The following SYNPR variants were observed in gnomAD, a reference collection of about 807,000 sequenced individuals.
SYNPR encodes the protein synaptoporin.
SYNPR carries 23 observed loss-of-function variants against 32.9 expected under a neutral mutation model. That is an observed-to-expected ratio of 0.70 (90% confidence interval 0.50 to 0.99). The LOEUF (loss-of-function observed/expected upper bound fraction) is 0.99. SYNPR is among the 50% of genes least tolerant of loss of function. The pLI is 0.00. For synonymous variants in SYNPR, 146 were observed against 135.9 expected (o/e 1.07, Z -0.52); for missense variants, 318 against 349.3 (o/e 0.91, Z 0.71).
intron 3 of SYNPR, among the ~76,000 whole-genome samples, chr3:63,553,156 G>T (rs1262491136): frequency 1.3e-5 from 2 of 152,030 alleles, no homozygotes; most frequent in Non-Finnish European, 2.9e-5. Context: ...TGTGCTTCAT[G>T]TTTAGCTCCC....
At chr3:63,576,824 A>G (rs546695777) in intron 4 of SYNPR, among the ~76,000 whole-genome samples, 1 of 152,066 alleles carries the variant, frequency 6.6e-6, no homozygotes, top group African/African-American at 2.4e-5. Flanking sequence ...AAAAAGAAAA[A>G]GAAAAAAGAA....
chr3:63,392,420 T>C (rs1447305772), intron 2 of SYNPR, among the ~76,000 whole-genome samples: 1 of 152,228 alleles, frequency 6.6e-6, no homozygotes, highest in Admixed American at 6.5e-5. Context: ...AGGCTACTCA[T>C]AATCCTTGAC....
chr3:63,245,183 T>G (rs995338845), intron 1 of SYNPR, among the ~76,000 whole-genome samples: 2 of 152,082 alleles, frequency 1.3e-5, no homozygotes, highest in Admixed American at 1.3e-4. Context: ...AATCTCTGTT[T>G]TCATTTGGAG....
intron 2 of SYNPR, among the ~76,000 whole-genome samples, chr3:63,473,693 A>G (rs147167011): frequency 7.7e-4 from 117 of 152,290 alleles, no homozygotes; most frequent in African/African-American, 2.7e-3. Context: ...AAAAAAGAAA[A>G]GAAAGGATGA....
intron 4 of SYNPR, among the ~76,000 whole-genome samples, chr3:63,601,696 T>C (rs1024046915): frequency 2.6e-5 from 4 of 152,244 alleles, no homozygotes; most frequent in Non-Finnish European, 5.9e-5. Context: ...TTTTTATGGC[T>C]GTATAGTATT....
At chr3:63,478,791 C>A (rs1332919690) in intron 2 of SYNPR, among the ~76,000 whole-genome samples, 2 of 152,164 alleles carry the variant, frequency 1.3e-5, no homozygotes, top group Non-Finnish European at 2.9e-5. Flanking sequence ...GCTCCATTGC[C>A]ACGGCATGGG....
At chr3:63,462,796 G>T (rs1295440213) in intron 2 of SYNPR, among the ~76,000 whole-genome samples, 2 of 152,122 alleles carry the variant, frequency 1.3e-5, no homozygotes, top group East Asian at 1.9e-4. Context: ...ATTATAATAT[G>T]CAGTTACAAC....
In SYNPR at chr3:63,579,495, A is replaced by G. The variant is rs533049429; in HGVS notation, c.408+22754A>G. On this transcript the variant is annotated intron_variant, in intron 4 of 5. Transcript: ENST00000478300. ...CAAAATATTTACCACTATCCAAACTACCACATACTTCACTAATTTACCTTG... is the reference window on the plus strand; with the variant it reads ...CAAAATATTTACCACTATCCAAACTGCCACATACTTCACTAATTTACCTTG... Among the ~76,000 whole-genome samples the G allele has an allele frequency of 2.6e-5, 4 of 152,116 alleles. 1 individual carries two copies. In the South Asian group the frequency reaches 8.3e-4, roughly 32 times the overall value.
At chr3:63,518,705 T>C (rs2106767729) in intron 3 of SYNPR, among the ~76,000 whole-genome samples, 1 of 152,260 alleles carries the variant, frequency 6.6e-6, no homozygotes, top group East Asian at 1.9e-4. Flanking sequence ...TTCTGAGTGC[T>C]TTACATGTGG....
At chr3:63,379,471 G>GT (rs1237024640) in intron 2 of SYNPR, among the ~76,000 whole-genome samples, 5 of 150,806 alleles carry the variant, frequency 3.3e-5, no homozygotes, top group African/African-American at 7.4e-5. Context: ...AGTTCTACTG[G>GT]TTTTTGCTTC....
intron 2 of SYNPR, among the ~76,000 whole-genome samples, chr3:63,411,221 G>C (rs770529202): frequency 6.6e-6 from 1 of 152,080 alleles, no homozygotes; most frequent in Non-Finnish European, 1.5e-5. Context: ...AAAGTCTGAG[G>C]AGTCTGAGGT....
intron 2 of SYNPR, among the ~76,000 whole-genome samples, chr3:63,371,224 C>T (rs1417339485): frequency 1.3e-5 from 2 of 151,956 alleles, no homozygotes; most frequent in Non-Finnish European, 2.9e-5. Flanking sequence ...CAGGAGATCC[C>T]CCTGTGAGCC....
chr3:63,366,844 C>G (rs1339810103), intron 2 of SYNPR, among the ~76,000 whole-genome samples: 1 of 152,112 alleles, frequency 6.6e-6, no homozygotes, highest in East Asian at 1.9e-4. Context: ...GAAACTTGCC[C>G]CAAGGTCACA....
chr3:63,479,814 A>T (rs1701010224), intron 2 of SYNPR, among the ~76,000 whole-genome samples: 1 of 152,192 alleles, frequency 6.6e-6, no homozygotes, highest in Non-Finnish European at 1.5e-5. Flanking sequence ...CAGCTTTCCC[A>T]AGGTCACATT....
intron 2 of SYNPR, among the ~76,000 whole-genome samples, chr3:63,433,658 TCGGATACCAGGGCTGCAG>T (rs1700030517): frequency 1.3e-5 from 2 of 152,146 alleles, no homozygotes; most frequent in South Asian, 4.1e-4. Flanking sequence ...CACTGCCCCA[TCGGATACCAGGGCTGCAG>T]CGCCTCCCCT....
chr3:63,570,779 C>T (rs916273073), intron 4 of SYNPR, among the ~76,000 whole-genome samples: 1 of 152,212 alleles, frequency 6.6e-6, no homozygotes, highest in East Asian at 1.9e-4. Flanking sequence ...TTGTCTGATC[C>T]CCCCTGCTAG....
chr3:63,387,474 GC>G (rs2107078591), intron 2 of SYNPR, among the ~76,000 whole-genome samples: 1 of 152,254 alleles, frequency 6.6e-6, no homozygotes, highest in South Asian at 2.1e-4. Flanking sequence ...TGAGTTTACT[GC>G]TATCTAAAGA....
intron 2 of SYNPR, among the ~76,000 whole-genome samples, chr3:63,259,384 T>A (rs540929795): frequency 6.6e-6 from 1 of 152,144 alleles, no homozygotes; most frequent in Non-Finnish European, 1.5e-5. Flanking sequence ...CATGATCAAG[T>A]GGGCTTCATC....
chr3:63,527,022 G>A (rs953343294), intron 3 of SYNPR, among the ~76,000 whole-genome samples: 10 of 152,078 alleles, frequency 6.6e-5, no homozygotes, highest in Non-Finnish European at 1.5e-4. Flanking sequence ...GTGTTTGTTC[G>A]CCCAGAGACA....
Sources: gnomAD v4.1 joint callset for allele counts (sites outside exome capture counted in the v4.1 genomes callset) on GRCh38, gnomAD v4.1.1 for gene constraint, MANE v1.5 for transcripts, NCBI Gene and HGNC (gene_info 2026-07-23, HGNC 2026-07-21) for gene names.